The following LRBA variants were observed in gnomAD, a reference collection of about 807,000 sequenced individuals.
LRBA encodes the protein LPS responsive beige-like anchor protein, also known as lipopolysaccharide-responsive and beige-like anchor protein.
In LRBA, 176 loss-of-function variants were observed where a neutral mutation model predicts 330.0. The ratio of observed to expected loss-of-function variants is 0.53; its 90% CI spans 0.47 to 0.60. LRBA has a LOEUF of 0.60. LRBA is among the 20% of genes least tolerant of loss of function. LRBA has a pLI of 0.00. For synonymous variants in LRBA, 1,230 were observed against 1,193.0 expected (o/e 1.03, Z -0.64); for missense variants, 3,259 against 3,444.8 (o/e 0.95, Z 1.35).
intron 37 of LRBA, among the ~76,000 whole-genome samples, chr4:150,606,165 C>T (rs1774601345): frequency 6.6e-6 from 1 of 152,030 alleles, no homozygotes; most frequent in Non-Finnish European, 1.5e-5. Context: ...GAAATGATCC[C>T]AAGCTTTTCC....
intron 36 of LRBA, among the ~76,000 whole-genome samples, chr4:150,711,093 A>G (rs1786151376): frequency 6.6e-6 from 1 of 152,062 alleles, no homozygotes; most frequent in South Asian, 2.1e-4. Context: ...CCAATGAAAA[A>G]AAATTGCCTT....
intron 20 of LRBA, among the ~76,000 whole-genome samples, chr4:150,869,077 C>T (rs1424081903): frequency 1.3e-5 from 2 of 152,200 alleles, no homozygotes; most frequent in East Asian, 3.9e-4. Context: ...CCTGCCACCA[C>T]GCCTAGCTAA....
chr4:150,444,139 T>C (rs1752276496), intron 44 of LRBA, among the ~76,000 whole-genome samples: 1 of 152,066 alleles, frequency 6.6e-6, no homozygotes, highest in African/African-American at 2.4e-5. Flanking sequence ...ATCAAAAACA[T>C]GCTTGGCAAA....
intron 17 of LRBA, among the ~76,000 whole-genome samples, chr4:150,885,630 A>G (rs558663952): frequency 5.3e-5 from 8 of 152,292 alleles, no homozygotes; most frequent in African/African-American, 1.7e-4. Context: ...CAAAAAAAAA[A>G]GTGAATCACA....
chr4:150,723,440 T>C (rs1055659820), intron 36 of LRBA, among the ~76,000 whole-genome samples: 2 of 152,132 alleles, frequency 1.3e-5, no homozygotes, highest in Non-Finnish European at 2.9e-5. Context: ...TGATATTTCA[T>C]TTCTAGACAC....
At chr4:150,994,751 T>C (rs1010483778) in intron 2 of LRBA, among the ~76,000 whole-genome samples, 1 of 152,214 alleles carries the variant, frequency 6.6e-6, no homozygotes, top group Non-Finnish European at 1.5e-5. Flanking sequence ...TCAGATCCAT[T>C]TCTGGCAATA....
chr4:150,911,613 T>C (rs1429872774), intron 9 of LRBA, among the ~76,000 whole-genome samples: 1 of 152,218 alleles, frequency 6.6e-6, no homozygotes, highest in East Asian at 1.9e-4. Flanking sequence ...TTATTGAAGA[T>C]TTTTCCATCA....
At chr4:150,382,569 G>C (rs1742436681) in intron 47 of LRBA, among the ~76,000 whole-genome samples, 2 of 151,680 alleles carry the variant, frequency 1.3e-5, no homozygotes, top group South Asian at 4.2e-4. Context: ...GCTGCAGTGA[G>C]CTGAGACTGT....
intron 40 of LRBA, among the ~76,000 whole-genome samples, chr4:150,518,591 A>G (rs934713933): frequency 1.6e-4 from 25 of 152,084 alleles, no homozygotes. Flanking sequence ...GGTTTTTGAG[A>G]ATTCTTCGCC....
chr4:150,483,177 T>G (rs1283124669), intron 42 of LRBA, among the ~76,000 whole-genome samples: 1 of 152,064 alleles, frequency 6.6e-6, no homozygotes, highest in Non-Finnish European at 1.5e-5. Context: ...TATGTAAAAT[T>G]AAGGGGTGAG....
At chr4:150,813,172 AAAAAGAAAGAAAG>A (rs1744031149) in intron 31 of LRBA, among the ~76,000 whole-genome samples, 1 of 127,472 alleles carries the variant, frequency 7.8e-6, no homozygotes, top group Admixed American at 7.9e-5. Flanking sequence ...AAAAAAAAAA[AAAAAGAAAGAAAG>A]AAAGAAAGAA....
At chr4:150,931,348 C>G (rs1200782625) in intron 2 of LRBA, among the ~76,000 whole-genome samples, 1 of 151,260 alleles carries the variant, frequency 6.6e-6, no homozygotes, top group South Asian at 2.1e-4. Flanking sequence ...ATTAATAATG[C>G]TTGGCTGACG....
chr4:150,601,350 A>G (rs1488374730), intron 37 of LRBA, among the ~76,000 whole-genome samples: 1 of 152,204 alleles, frequency 6.6e-6, no homozygotes, highest in East Asian at 1.9e-4. Flanking sequence ...AATGCACCAC[A>G]GTGAAGTCAA....
chr4:150,781,919 T>G (rs1411187556), intron 34 of LRBA, among the ~76,000 whole-genome samples: 1 of 152,140 alleles, frequency 6.6e-6, no homozygotes, highest in African/African-American at 2.4e-5. Flanking sequence ...ATTTTTTTAA[T>G]TTTTTTGAGA....
chr4:150,821,048 A>C (rs1745361444), intron 30 of LRBA, among the ~76,000 whole-genome samples: 1 of 152,096 alleles, frequency 6.6e-6, no homozygotes, highest in African/African-American at 2.4e-5. Context: ...TGCTAGGGAT[A>C]TTTCTGGCAT....
At chr4:150,828,912 C>CT (rs1746688564) in intron 29 of LRBA, among the ~76,000 whole-genome samples, 1 of 133,604 alleles carries the variant, frequency 7.5e-6, no homozygotes, top group African/African-American at 2.8e-5. Context: ...AGTCTATAAT[C>CT]TTTTTTGGGG....
In LRBA at chr4:150,848,977, G is replaced by A. The variant is rs1184982094; in HGVS notation, c.4180C>T (p.Pro1394Ser). Reference sequence around the variant, plus strand: ...GCTTCTATTGAAAGGCCTTGAGTAGGTTCAATATTTTCCAGTTCATGCTGT... The same window carrying A: ...GCTTCTATTGAAAGGCCTTGAGTAGATTCAATATTTTCCAGTTCATGCTGT... ...SATHELENIE[P>S]TQGLSIEASV... Residue 1394 changes from proline (P) to serine (S), a missense_variant, in exon 26 of 57, where the codon CCT becomes TCT. Coordinates refer to ENST00000651943, the MANE Select transcript of LRBA (RefSeq NM_001364905.1). 5 of 1,596,318 alleles carry A rather than the reference G, an allele frequency of 3.1e-6. No homozygotes were observed. The African/African-American group carries it at 4.1e-5, about 13-fold the overall frequency.
At chr4:150,666,211 TATAAG>T (rs1414454268) in intron 37 of LRBA, among the ~76,000 whole-genome samples, 1 of 152,052 alleles carries the variant, frequency 6.6e-6, no homozygotes, top group Non-Finnish European at 1.5e-5. Context: ...AAAATATTCA[TATAAG>T]AAAACAATAA....
chr4:150,493,036 A>G (rs551631057), intron 40 of LRBA, among the ~76,000 whole-genome samples: 183 of 152,318 alleles, frequency 1.2e-3, no homozygotes, highest in Non-Finnish European at 2.3e-3. Context: ...GCTGGAGTGA[A>G]GTGGTGTGAT....
Sources: allele counts gnomAD v4.1 joint callset (sites outside exome capture counted in the v4.1 genomes callset), GRCh38; gene constraint gnomAD v4.1.1; transcripts MANE v1.5; gene names NCBI Gene and HGNC (gene_info 2026-07-23, HGNC 2026-07-21).